The following FGD5 variants were observed in gnomAD, a reference collection of about 807,000 sequenced individuals.
FGD5 encodes the protein FYVE, RhoGEF and PH domain-containing protein 5.
A neutral mutation model predicts 133.4 loss-of-function variants in FGD5; 28 were observed. The observed-to-expected ratio is 0.21, with a 90% confidence interval of 0.16 to 0.29. The LOEUF is 0.29. Among genes scored for constraint, FGD5 ranks in the 10% least tolerant of loss-of-function variants. FGD5 has a pLI of 1.00. For synonymous variants in FGD5, 810 were observed against 776.5 expected, an observed-to-expected ratio of 1.04 and a Z score of -0.72; for missense variants, 1,858 against 1,895.2, an observed-to-expected ratio of 0.98 and a Z score of 0.36.
At chr3:14,871,003 C>T (rs2037596956) in intron 2 of FGD5, among the ~76,000 whole-genome samples, 1 of 152,210 alleles carries the variant, frequency 6.6e-6, no homozygotes, top group Non-Finnish European at 1.5e-5. Flanking sequence ...TCTGTCTGCT[C>T]CTTAAACCCA....
At chr3:14,927,678 C>T (rs905531113) in intron 18 of FGD5, among the ~76,000 whole-genome samples, 1 of 152,166 alleles carries the variant, frequency 6.6e-6, no homozygotes, top group African/African-American at 2.4e-5. Context: ...CCTGAGGTGG[C>T]CCAGAGCTGA....
At chr3:14,932,016 TG>T (rs2038907037) in intron 18 of FGD5, 1 of 152,236 alleles carries the variant, frequency 6.6e-6, no homozygotes, top group South Asian at 2.1e-4. Context: ...ATAATGAAGA[TG>T]TAACTGCCTG....
chr3:14,872,031 T>A (rs929318462), intron 2 of FGD5, among the ~76,000 whole-genome samples: 1 of 152,172 alleles, frequency 6.6e-6, no homozygotes, highest in African/African-American at 2.4e-5. Flanking sequence ...GTTGACAAGA[T>A]CCTCAGTGAC....
chr3:14,864,043 A>G, intron 1 of FGD5, 85 bp from the exon 2 acceptor site: 3 of 1,552,408 alleles, frequency 1.9e-6, no homozygotes, highest in East Asian at 2.3e-5. Context: ...TTCTGTCCCC[A>G]TGGCATGAAT....
At chr3:14,837,900 T>C (rs985857798) in intron 1 of FGD5, among the ~76,000 whole-genome samples, 2 of 152,208 alleles carry the variant, frequency 1.3e-5, no homozygotes, top group African/African-American at 4.8e-5. Flanking sequence ...GACATACTTA[T>C]TTTCCGTTGC....
intron 4 of FGD5, 88 bp from the exon 5 acceptor site, chr3:14,897,420 AG>A (rs2038158071): frequency 4.1e-6 from 6 of 1,465,538 alleles, no homozygotes; most frequent in Middle Eastern, 1.7e-4. Context: ...CACAGAGGCC[AG>A]GGCTCCAAAG....
intron 9 of FGD5, 41 bp from the exon 10 acceptor site, chr3:14,907,599 G>A: frequency 6.3e-7 from 1 of 1,588,472 alleles, no homozygotes; most frequent in Non-Finnish European, 8.6e-7. Flanking sequence ...CGCCTGGTAG[G>A]GGCCCTGACC....
At position 14,870,951 on chromosome 3, in the gene FGD5, C is replaced by A. The variant is rs113562857; in HGVS notation, c.2658+6691C>A. 9.5e-3 allele frequency among the ~76,000 whole-genome samples: 1,441 copies of A among 152,310 alleles called. 25 individuals are homozygous for A. The highest frequency in any genetic ancestry group is 0.033 in the African/African-American group (1,367 of 41,556). On this transcript the variant is annotated intron_variant, in intron 2 of 19. Coordinates refer to ENST00000285046, the MANE Select transcript of FGD5 (RefSeq NM_152536.4). Reference sequence around the variant, plus strand: ...CAGATCAGAGAAAATTCAGTAGACACCCAGTTCTTCGACCAGACATCATGC... The same window carrying A: ...CAGATCAGAGAAAATTCAGTAGACAACCAGTTCTTCGACCAGACATCATGC...
chr3:14,849,585 A>G (rs551216345), intron 1 of FGD5, among the ~76,000 whole-genome samples: 6 of 152,290 alleles, frequency 3.9e-5, no homozygotes, highest in East Asian at 3.9e-4. Context: ...AAGTGCTTCT[A>G]ACCCTCACTA....
In FGD5 at chr3:14,820,031, C is replaced by T. The variant is rs200107291; in HGVS notation, c.960C>T (p.Ser320=). The T allele has an allele frequency of 7.1e-4, 1,149 of 1,613,948 alleles. No individual in the cohort carries two copies. The highest frequency in any genetic ancestry group is 8.6e-4 in the Non-Finnish European group (1,012 of 1,179,884). ...ATLEDHAQDE[S]AEESCQIVPF... is the part of the protein sequence containing the mutation. ...TGGAGGACCATGCACAGGATGAGTC[C>T]GCCGAGGAGAGCTGCCAGATTGTCC... Residue 320 remains serine (S), a synonymous_variant, in exon 1 of 20, where the codon TCC becomes TCT. Transcript: ENST00000285046.
At chr3:14,835,987 G>A (rs980000353) in intron 1 of FGD5, among the ~76,000 whole-genome samples, 3 of 152,194 alleles carry the variant, frequency 2.0e-5, no homozygotes, top group Non-Finnish European at 2.9e-5. Flanking sequence ...CCAGGGAAGG[G>A]GCAGAGATGA....
chr3:14,849,960 C>G (rs1294243668), intron 1 of FGD5, among the ~76,000 whole-genome samples: 2 of 152,168 alleles, frequency 1.3e-5, no homozygotes, highest in Non-Finnish European at 2.9e-5. Context: ...GATTGTTATT[C>G]AGACCACCAC....
intron 10 of FGD5, among the ~76,000 whole-genome samples, 183 bp downstream of exon 10, chr3:14,907,894 C>T (rs2038370338): frequency 6.6e-6 from 1 of 152,214 alleles, no homozygotes; most frequent in Admixed American, 6.5e-5. Context: ...GCTGCCTTCC[C>T]TGGGGTTCTC....
At chr3:14,900,487 A>G in intron 8 of FGD5, 34 bp downstream of exon 8, 1 of 1,609,702 alleles carries the variant, frequency 6.2e-7, no homozygotes, top group Non-Finnish European at 8.5e-7. Context: ...GGAGGTACTC[A>G]AGCCTGCTCT....
chr3:14,899,544 G>A (rs1374319709), intron 7 of FGD5, among the ~76,000 whole-genome samples: 1 of 152,160 alleles, frequency 6.6e-6, no homozygotes, highest in Non-Finnish European at 1.5e-5. Flanking sequence ...GGTAGCAACT[G>A]GGGCTCCTCA....
At chr3:14,910,760 T>G (rs1278368835) in intron 10 of FGD5, 101 bp from the exon 11 acceptor site, 1 of 1,027,176 alleles carries the variant, frequency 9.7e-7, no homozygotes, top group African/African-American at 1.8e-5. Flanking sequence ...CACCCTTGTC[T>G]GGGATTGATT....
intron 2 of FGD5, among the ~76,000 whole-genome samples, chr3:14,873,696 G>T (rs566754792): frequency 5.5e-4 from 84 of 151,860 alleles, no homozygotes; most frequent in African/African-American, 2.0e-3. Context: ...TTTCACTGTG[G>T]CAAGAACGTT....
intron 4 of FGD5, among the ~76,000 whole-genome samples, chr3:14,885,561 G>A (rs1336088816): frequency 1.3e-5 from 2 of 152,212 alleles, no homozygotes; most frequent in African/African-American, 4.8e-5. Context: ...CACACATCAG[G>A]TGGTTGAGGC....
rs554993975 is a variant in FGD5, at chr3:14,857,043, C to T, written c.2526-7085C>T. 7.9e-5 allele frequency among the ~76,000 whole-genome samples: 12 copies of T among 152,252 alleles called. No individual in the cohort carries two copies. In the South Asian group the frequency reaches 2.5e-3, roughly 32 times the overall value. On this transcript the variant is annotated intron_variant, in intron 1 of 19. Coordinates refer to ENST00000285046, the MANE Select transcript of FGD5 (RefSeq NM_152536.4). ...ATATGGCCATTATTATGTTGAGGTA[C>T]TTTCCTTCTGCACCTAATTTATTGA...
Sources: allele counts gnomAD v4.1 joint callset (sites outside exome capture counted in the v4.1 genomes callset), GRCh38; gene constraint gnomAD v4.1.1; transcripts MANE v1.5; gene names NCBI Gene and HGNC (gene_info 2026-07-23, HGNC 2026-07-21).